NRCAM: variants seen among roughly 807,000 people sequenced by gnomAD.
The protein encoded by NRCAM is NgCAM-related cell adhesion molecule.
Under a neutral mutation model 156.5 loss-of-function variants are expected in NRCAM, and 83 were observed. That is an observed-to-expected ratio of 0.53 (90% confidence interval 0.44 to 0.64). The LOEUF is 0.64. Among genes scored for constraint, NRCAM ranks in the 30% least tolerant of loss-of-function variants. The probability of loss-of-function intolerance (pLI) is 0.00; values close to 1 mark genes in which losing one functional copy is unlikely to be tolerated. For missense variants in NRCAM, 1,417 were observed against 1,597.3 expected (o/e 0.89, Z 1.92); for synonymous variants, 538 against 563.9 (o/e 0.95, Z 0.65).
At chr7:108,233,645 C>T (rs2094573952) in intron 6 of NRCAM, among the ~76,000 whole-genome samples, 1 of 152,064 alleles carries the variant, frequency 6.6e-6, no homozygotes, top group Admixed American at 6.6e-5. Flanking sequence ...TTGAGGCAAA[C>T]CTTTGCTGGA....
chr7:108,271,518 T>G (rs1274772136), intron 3 of NRCAM, among the ~76,000 whole-genome samples: 2 of 151,908 alleles, frequency 1.3e-5, no homozygotes, highest in Non-Finnish European at 2.9e-5. Context: ...GCCAACATGG[T>G]GAAACTCTCT....
At chr7:108,454,227 GCTA>G (rs1853859289) in intron 1 of NRCAM, among the ~76,000 whole-genome samples, 1 of 152,160 alleles carries the variant, frequency 6.6e-6, no homozygotes, top group Non-Finnish European at 1.5e-5. Context: ...AATATTGCCT[GCTA>G]CTGTGAGTTC....
chr7:108,247,596 A>C (rs1000716368), intron 3 of NRCAM, among the ~76,000 whole-genome samples: 1 of 134,412 alleles, frequency 7.4e-6, no homozygotes, highest in African/African-American at 3.1e-5. Flanking sequence ...TTTAGCATAA[A>C]TTTGTTTATG....
intron 2 of NRCAM, among the ~76,000 whole-genome samples, chr7:108,387,863 C>A (rs1302378909): frequency 2.6e-5 from 4 of 152,154 alleles, no homozygotes; most frequent in Non-Finnish European, 5.9e-5. Flanking sequence ...CCAGCTTCAT[C>A]CATGTCCCTG....
intron 5 of NRCAM, 36 bp downstream of exon 5, chr7:108,237,716 T>G: frequency 6.5e-7 from 1 of 1,527,976 alleles, no homozygotes; most frequent in Non-Finnish European, 8.8e-7. Flanking sequence ...TGGTCACATT[T>G]TCACACTGCC....
intron 20 of NRCAM, 52 bp from the exon 21 acceptor site, chr7:108,184,666 AGGG>A: frequency 6.6e-7 from 1 of 1,517,856 alleles, no homozygotes; most frequent in South Asian, 1.2e-5. Flanking sequence ...CAGTCAACTC[AGGG>A]GTAGCTGCCA....
intron 3 of NRCAM, among the ~76,000 whole-genome samples, chr7:108,257,827 G>A (rs1045327606): frequency 6.6e-6 from 1 of 151,966 alleles, no homozygotes. Context: ...ACAGGTATGT[G>A]AGCTATTAAA....
intron 32 of NRCAM, among the ~76,000 whole-genome samples, chr7:108,152,493 T>A (rs1204904606): frequency 2.0e-5 from 3 of 151,354 alleles, no homozygotes; most frequent in Admixed American, 6.6e-5. Flanking sequence ...TGTGGAACAT[T>A]GTAAGGACGC....
At chr7:108,166,459 G>T (rs985525903) in intron 30 of NRCAM, among the ~76,000 whole-genome samples, 1 of 151,864 alleles carries the variant, frequency 6.6e-6, no homozygotes, top group African/African-American at 2.4e-5. Flanking sequence ...TGTTGGCCAG[G>T]CTGGTCTCGA....
intron 31 of NRCAM, 86 bp from the exon 32 acceptor site, chr7:108,159,627 G>A (rs2047627698): frequency 2.0e-6 from 2 of 992,578 alleles, no homozygotes; most frequent in Admixed American, 1.9e-5. Flanking sequence ...GAGATATACA[G>A]CAGTGAAAAA....
At chr7:108,261,428 T>C (rs958456890) in intron 3 of NRCAM, among the ~76,000 whole-genome samples, 1 of 152,252 alleles carries the variant, frequency 6.6e-6, no homozygotes, top group Non-Finnish European at 1.5e-5. Flanking sequence ...CAGGTATCAT[T>C]TGGAGAATAA....
intron 3 of NRCAM, among the ~76,000 whole-genome samples, chr7:108,255,803 C>A (rs1211546344): frequency 6.7e-6 from 1 of 148,372 alleles, no homozygotes; most frequent in Non-Finnish European, 1.5e-5. Flanking sequence ...AGGTGAGGAG[C>A]GTCTCTGCCG....
At chr7:108,444,555 A>G (rs1383190905) in intron 1 of NRCAM, among the ~76,000 whole-genome samples, 1 of 152,166 alleles carries the variant, frequency 6.6e-6, no homozygotes, top group Non-Finnish European at 1.5e-5. Context: ...GTCCCTTCCA[A>G]GGGCTGTGAG....
chr7:108,236,856 A>G (rs1323223178), intron 5 of NRCAM, among the ~76,000 whole-genome samples: 1 of 151,950 alleles, frequency 6.6e-6, no homozygotes, highest in Admixed American at 6.6e-5. Context: ...CTTAGGAGTG[A>G]CTCAGTTCAA....
At chr7:108,435,731 T>C (rs1172611576) in intron 1 of NRCAM, among the ~76,000 whole-genome samples, 8 of 152,216 alleles carry the variant, frequency 5.3e-5, no homozygotes, top group Non-Finnish European at 1.2e-4. Flanking sequence ...CCTGCACATG[T>C]ACCCCTGAAC....
At chr7:108,300,445 T>G (rs2098580165) in intron 3 of NRCAM, among the ~76,000 whole-genome samples, 1 of 152,178 alleles carries the variant, frequency 6.6e-6, no homozygotes, top group African/African-American at 2.4e-5. Context: ...AAGGTCATTA[T>G]GTCATGCATA....
intron 17 of NRCAM, among the ~76,000 whole-genome samples, chr7:108,193,364 G>A (rs1221949127): frequency 1.3e-5 from 2 of 152,176 alleles, no homozygotes; most frequent in Non-Finnish European, 2.9e-5. Flanking sequence ...AAATGATTTC[G>A]ACCAGAATAC....
chr7:108,334,582 C>T (rs1249383596), intron 2 of NRCAM, among the ~76,000 whole-genome samples: 1 of 152,158 alleles, frequency 6.6e-6, no homozygotes, highest in African/African-American at 2.4e-5. Context: ...TGTTCAAATC[C>T]CTCTCTTTCT....
chr7:108,150,143 C>T lies in NRCAM; in HGVS notation c.3682G>A (p.Ala1228Thr). The change falls in exon 33 of 33, where the codon GCA (alanine) becomes ACA (threonine). Residue 1228 changes from alanine (A) to threonine (T), a missense_variant. Around this residue, in one of 2 missense-constraint regions of NRCAM, gnomAD observed 179 missense variants for 260.9 expected, o/e 0.69. Transcript: ENST00000379028. ...TTTTTCAAAGGCTTGTGGTCTTCTGCATCACTGGAAGAAAGAGAAAACATT... is the reference window on the plus strand; with the variant it reads ...TTTTTCAAAGGCTTGTGGTCTTCTGTATCACTGGAAGAAAGAGAAAACATT... ...DDGTFGEYSD[A>T]EDHKPLKKGS... 1 of 1,592,968 alleles carries T rather than the reference C, an allele frequency of 6.3e-7. No homozygotes were observed. The highest frequency in any genetic ancestry group is 8.5e-7 in the Non-Finnish European group (1 of 1,174,344).
Sources: gnomAD v4.1 joint callset for allele counts (sites outside exome capture counted in the v4.1 genomes callset) on GRCh38, gnomAD v4.1.1 for gene constraint, gnomAD v4.1.1 regional missense constraint, MANE v1.5 for transcripts, NCBI Gene and HGNC (gene_info 2026-07-23, HGNC 2026-07-21) for gene names.